SRP19: variants seen among roughly 807,000 people sequenced by gnomAD.
SRP19 encodes the protein signal recognition particle 19 kDa protein.
Under a neutral mutation model 22.4 loss-of-function variants are expected in SRP19, and 11 were observed. The observed-to-expected ratio is 0.49, with a 90% CI of 0.31 to 0.81. The LOEUF is 0.81. Ranked by LOEUF, SRP19 falls within the 40% of genes least tolerant of loss-of-function variation. The pLI, the probability that SRP19 is intolerant of heterozygous loss-of-function variation, is 0.05. For synonymous variants in SRP19, 61 were observed against 57.6 expected (o/e 1.06, Z -0.27); for missense variants, 168 against 175.9 (o/e 0.96, Z 0.25).
intron 4 of SRP19, chr5:112,865,327 A>T (rs1767554888): frequency 6.6e-6 from 1 of 152,202 alleles, no homozygotes; most frequent in Non-Finnish European, 1.5e-5. Context: ...ACACGGGTTG[A>T]TGGTCATAGA....
At chr5:112,891,098 A>G (rs977861291) in intron 4 of SRP19, among the ~76,000 whole-genome samples, 3 of 147,164 alleles carry the variant, frequency 2.0e-5, no homozygotes, top group Non-Finnish European at 4.4e-5. Context: ...TTTGAGACAG[A>G]GTCTCACTCT....
intron 4 of SRP19, chr5:112,877,443 C>G (rs572568219): frequency 6.6e-6 from 1 of 152,262 alleles, no homozygotes; most frequent in East Asian, 1.9e-4. Flanking sequence ...ACAAATTGCT[C>G]TCTATAACGA....
At chr5:112,883,665 A>G (rs946253119) in intron 4 of SRP19, among the ~76,000 whole-genome samples, 5 of 152,032 alleles carry the variant, frequency 3.3e-5, no homozygotes, top group African/African-American at 1.2e-4. Flanking sequence ...TCCAGTCCAG[A>G]CCTGTTTCTT....
At chr5:112,861,501 G>T in intron 1 of SRP19, 84 bp downstream of exon 1, 2 of 1,484,062 alleles carry the variant, frequency 1.3e-6, no homozygotes, top group South Asian at 2.4e-5. Context: ...TCCGCTCCGC[G>T]GCCTCCAGAA....
chr5:112,868,692 G>C lies in SRP19; in HGVS notation c.*1155G>C, dbSNP rs1580717861. 1 of 152,294 alleles carries C rather than the reference G, an allele frequency of 6.6e-6. No individual in the cohort carries two copies. Among genetic ancestry groups the C allele is most frequent in the South Asian group, 2.1e-4 (1 of 4,836 alleles). 9.4% of individuals were successfully genotyped at this position (152,294 alleles called of 1,614,324 possible). A position where few individuals can be genotyped will look rare whatever the true frequency, so the allele number is the denominator to read the frequency against. On this transcript the variant is annotated 3_prime_UTR_variant, in exon 5 of 5. Transcript: ENST00000505459. The stretch of plus-strand genomic sequence containing the variant: ...TGGGATTACAGGCATGAGCCACCGT[G>C]CCCGGCCTTCTTTACATTTTTATTG...
intron 4 of SRP19, among the ~76,000 whole-genome samples, chr5:112,879,688 G>A (rs1424006321): frequency 1.3e-5 from 2 of 151,978 alleles, no homozygotes; most frequent in Non-Finnish European, 2.9e-5. Flanking sequence ...GTGTTAGCCA[G>A]GATGGTCTCA....
chr5:112,887,164 C>A, intron 4 of SRP19: 2 of 1,604,528 alleles, frequency 1.2e-6, no homozygotes, highest in Non-Finnish European at 1.7e-6. Flanking sequence ...CGGGGCCATG[C>A]ACCACAACAG....
rs981127242 is a variant in SRP19, at chr5:112,878,648, C to A, written c.302-12955C>A. On this transcript the variant is annotated intron_variant, in intron 4 of 4. Transcript: ENST00000391338. The stretch of plus-strand genomic sequence containing the variant: ...CAGTAAAAGTAAGCAAAGAAACTTA[C>A]AACACATTCCAATCTTTAATATCTC... 17 of 1,258,952 alleles carry A rather than the reference C, an allele frequency of 1.4e-5. No individual in the cohort carries two copies. The African/African-American group carries it at 1.5e-4, about 11-fold the overall frequency. 78.0% of individuals were successfully genotyped at this position (1,258,952 alleles called of 1,614,324 possible).
intron 4 of SRP19, chr5:112,878,750 G>T: frequency 6.2e-7 from 1 of 1,613,794 alleles, no homozygotes; most frequent in Non-Finnish European, 8.5e-7. Context: ...CAGTAGGAAG[G>T]TACAGAGAGG....
intron 4 of SRP19, among the ~76,000 whole-genome samples, chr5:112,890,175 G>A (rs919648752): frequency 6.7e-6 from 1 of 150,244 alleles, no homozygotes. Context: ...TATGCCTGTG[G>A]TCCTCCTGGG....
chr5:112,875,065 C>T (rs536925028), intron 4 of SRP19, among the ~76,000 whole-genome samples: 131 of 152,266 alleles, frequency 8.6e-4, no homozygotes, highest in Non-Finnish European at 1.4e-3. Flanking sequence ...TGTGAACCAC[C>T]GTGCCCGGCC....
downstream of SRP19, chr5:112,894,838 A>G (rs529026026): frequency 6.6e-6 from 1 of 152,224 alleles, no homozygotes; most frequent in Non-Finnish European, 1.5e-5. Context: ...ATGTATTCCT[A>G]CATAGAATAT....
chr5:112,878,859 G>C (rs1047225417), intron 4 of SRP19: 1 of 1,613,792 alleles, frequency 6.2e-7, no homozygotes, highest in Non-Finnish European at 8.5e-7. Context: ...AGGAGGGAAA[G>C]AAAAATATAT....
At chr5:112,878,765 G>T (rs1424423622) in intron 4 of SRP19, 2 of 1,613,950 alleles carry the variant, frequency 1.2e-6, no homozygotes, top group Non-Finnish European at 8.5e-7. Flanking sequence ...GAGAGGGCAG[G>T]AAGTTTCCAT....
intron 4 of SRP19, among the ~76,000 whole-genome samples, chr5:112,884,082 C>T (rs1052350453): frequency 6.6e-6 from 1 of 152,212 alleles, no homozygotes; most frequent in African/African-American, 2.4e-5. Flanking sequence ...CTGCCTTACC[C>T]CTTCAGTCTG....
At chr5:112,886,661 A>C (rs1474667029) in intron 4 of SRP19, among the ~76,000 whole-genome samples, 1 of 152,232 alleles carries the variant, frequency 6.6e-6, no homozygotes, top group African/African-American at 2.4e-5. Flanking sequence ...CCATTTATTT[A>C]AAACTACCTA....
chr5:112,876,132 A>C (rs968411510), intron 4 of SRP19, among the ~76,000 whole-genome samples: 2 of 152,252 alleles, frequency 1.3e-5, no homozygotes, highest in African/African-American at 4.8e-5. Context: ...GGTTAAAAAA[A>C]AACAGTGGAT....
Position 112,864,547 on chromosome 5 carries a change from C to G in SRP19, c.189+19C>G, listed in dbSNP as rs771837981. On this transcript the variant is annotated intron_variant, in intron 3 of 4. Transcript: ENST00000505459. ...TCTTGAGGTATGACGTGGTTCTTCA[C>G]TATTTTCCATACTCATCTAATTGAT... 6.2e-6 allele frequency: 10 copies of G among 1,613,212 alleles called. No homozygotes were observed. The highest frequency in any genetic ancestry group is 2.2e-5 in the East Asian group (1 of 44,872).
chr5:112,866,040 T>G (rs1264352856), intron 4 of SRP19, among the ~76,000 whole-genome samples: 13 of 151,780 alleles, frequency 8.6e-5, no homozygotes, highest in Admixed American at 8.5e-4. Flanking sequence ...TGAACTTTTA[T>G]TTTTAAAGAC....
Sources: allele counts gnomAD v4.1 joint callset (sites outside exome capture counted in the v4.1 genomes callset), GRCh38; gene constraint gnomAD v4.1.1; transcripts MANE v1.5; gene names NCBI Gene and HGNC (gene_info 2026-07-23, HGNC 2026-07-21).